PLPP1: variants seen among roughly 807,000 people sequenced by gnomAD.
The protein encoded by PLPP1 is lipid phosphate phosphohydrolase 1a.
A neutral mutation model predicts 31.2 loss-of-function variants in PLPP1; 24 were observed. That is an observed-to-expected ratio of 0.77 (90% CI 0.56 to 1.08). PLPP1 has a LOEUF of 1.08. Among genes scored for constraint, PLPP1 ranks in the 50% least tolerant of loss-of-function variants. The pLI, the probability that PLPP1 is intolerant of heterozygous loss-of-function variation, is 0.00. For missense variants in PLPP1, 319 were observed against 342.7 expected, an observed-to-expected ratio of 0.93 and a Z score of 0.55; for synonymous variants, 146 against 126.3, an observed-to-expected ratio of 1.16 and a Z score of -1.05.
At chr5:55,498,598 A>C (rs936170312) in intron 1 of PLPP1, among the ~76,000 whole-genome samples, 3 of 152,210 alleles carry the variant, frequency 2.0e-5, no homozygotes, top group Non-Finnish European at 4.4e-5. Flanking sequence ...CTTCTGAAAC[A>C]TATAAACAAT....
At chr5:55,515,156 T>C (rs1211656113) in intron 1 of PLPP1, among the ~76,000 whole-genome samples, 1 of 152,234 alleles carries the variant, frequency 6.6e-6, no homozygotes, top group African/African-American at 2.4e-5. Flanking sequence ...TCCGCTATAC[T>C]TGGTGATAGT....
At chr5:55,443,435 G>A (rs1354269268) in intron 3 of PLPP1, among the ~76,000 whole-genome samples, 4 of 151,824 alleles carry the variant, frequency 2.6e-5, no homozygotes, top group African/African-American at 4.8e-5. Context: ...GGATCAATAC[G>A]AATAGTAATT....
chr5:55,441,087 T>C (rs1302709220), intron 4 of PLPP1, among the ~76,000 whole-genome samples: 1 of 152,100 alleles, frequency 6.6e-6, no homozygotes, highest in East Asian at 1.9e-4. Context: ...GAGAACATTA[T>C]AAAAAAATAA....
At chr5:55,528,762 T>A (rs1740558628) in intron 1 of PLPP1, among the ~76,000 whole-genome samples, 1 of 152,228 alleles carries the variant, frequency 6.6e-6, no homozygotes, top group African/African-American at 2.4e-5. Flanking sequence ...ATGTATATAT[T>A]AGCAGCAAAC....
At chr5:55,518,195 C>G (rs535881007) in intron 1 of PLPP1, among the ~76,000 whole-genome samples, 69 of 152,246 alleles carry the variant, frequency 4.5e-4, no homozygotes, top group African/African-American at 1.5e-3. Flanking sequence ...TAGAGAAGCA[C>G]TCATCTAGAA....
chr5:55,524,450 G>A (rs372525545), intron 1 of PLPP1, among the ~76,000 whole-genome samples: 8 of 152,160 alleles, frequency 5.3e-5, no homozygotes, highest in Non-Finnish European at 7.4e-5. Context: ...CTGTTTAATC[G>A]CCAAGAGCAA....
chr5:55,478,151 G>A (rs1217405957), intron 1 of PLPP1, among the ~76,000 whole-genome samples: 3 of 151,912 alleles, frequency 2.0e-5, no homozygotes, highest in Admixed American at 6.6e-5. Flanking sequence ...AATATTAAGG[G>A]GTTTTGTTCC....
chr5:55,478,581 T>C (rs1451831608), intron 1 of PLPP1, among the ~76,000 whole-genome samples: 1 of 152,052 alleles, frequency 6.6e-6, no homozygotes, highest in Non-Finnish European at 1.5e-5. Flanking sequence ...TACAAAACAC[T>C]GTACAGGATG....
chr5:55,507,915 T>C (rs1753318822), intron 1 of PLPP1, among the ~76,000 whole-genome samples: 1 of 151,704 alleles, frequency 6.6e-6, no homozygotes, highest in Non-Finnish European at 1.5e-5. Flanking sequence ...GGGAGTGCAA[T>C]GGCACAATCT....
intron 1 of PLPP1, among the ~76,000 whole-genome samples, chr5:55,475,980 CTTTTTT>C (rs34891567): frequency 8.6e-5 from 12 of 139,088 alleles, no homozygotes; most frequent in African/African-American, 2.9e-4. Context: ...CTTAAAGTTT[CTTTTTT>C]TTTTTTTTTT....
At chr5:55,450,372 G>A (rs556364537) in intron 3 of PLPP1, among the ~76,000 whole-genome samples, 6 of 152,120 alleles carry the variant, frequency 3.9e-5, no homozygotes, top group Non-Finnish European at 8.8e-5. Context: ...ATGTGTGTAG[G>A]GTATTTAGAA....
Position 55,467,981 on chromosome 5 carries a change from G to T in PLPP1, c.379C>A (p.Arg127=). 6.2e-7 allele frequency: 1 copy of T among 1,614,122 alleles called. No individual in the cohort carries two copies. Among genetic ancestry groups the T allele is most frequent in the Non-Finnish European group, 8.5e-7 (1 of 1,180,012 alleles). The change falls in exon 3 of 6, where the codon CGG becomes AGG. Residue 127 remains arginine, a synonymous_variant. Coordinates refer to ENST00000307259, the MANE Select transcript of PLPP1 (RefSeq NM_003711.4). ...TCACAAACATCCAAGAAGTGAGGCC[G>T]CAGTCTGCCTATTGAATACTTGGCA... ...DIAKYSIGRL[R]PHFLDVCDPD...
At chr5:55,432,671 T>C (rs949664502) in intron 4 of PLPP1, among the ~76,000 whole-genome samples, 1 of 151,636 alleles carries the variant, frequency 6.6e-6, no homozygotes, top group African/African-American at 2.4e-5. Context: ...CAAAAAGATA[T>C]GCCACGATCA....
At position 55,462,157 on chromosome 5, in the gene PLPP1, TGCCC is replaced by T. The variant is rs1752179543; in HGVS notation, c.491+5708_491+5711del. ...TTTGAAGCAATCTCAATAAAATTTC[TGCCC>T]TTTCAAAGAAAACATAAAGAACTTA... On this transcript the variant is annotated intron_variant, in intron 3 of 5. Transcript: ENST00000307259. 5.3e-5 allele frequency among the ~76,000 whole-genome samples: 8 copies of T among 152,320 alleles called. No individual in the cohort carries two copies. The South Asian group carries it at 1.5e-3, about 28-fold the overall frequency.
intron 2 of PLPP1, among the ~76,000 whole-genome samples, chr5:55,469,025 G>C (rs1041948308): frequency 5.9e-5 from 9 of 152,150 alleles, no homozygotes; most frequent in Non-Finnish European, 1.2e-4. Context: ...GTCCCAAGGG[G>C]TGGGACAGGA....
intron 1 of PLPP1, among the ~76,000 whole-genome samples, chr5:55,479,016 C>A (rs1752616449): frequency 7.1e-6 from 1 of 141,506 alleles, no homozygotes; most frequent in Admixed American, 7.6e-5. Context: ...TCGTATAAGC[C>A]TATGAGATTT....
intron 3 of PLPP1, among the ~76,000 whole-genome samples, chr5:55,459,690 G>C (rs148660538): frequency 6.6e-6 from 1 of 152,144 alleles, no homozygotes; most frequent in African/African-American, 2.4e-5. Flanking sequence ...AGAGGAAGAC[G>C]CAAGGGAAAT....
intron 4 of PLPP1, among the ~76,000 whole-genome samples, chr5:55,428,524 A>G (rs542041902): frequency 8.3e-4 from 127 of 152,328 alleles, no homozygotes; most frequent in South Asian, 2.5e-3. Flanking sequence ...TAAGTTCAAC[A>G]AAGCTAAAAA....
chr5:55,451,050 TACA>T (rs1751881155), intron 3 of PLPP1, among the ~76,000 whole-genome samples: 1 of 152,184 alleles, frequency 6.6e-6, no homozygotes, highest in South Asian at 2.1e-4. Context: ...GAACATCTAC[TACA>T]ACCTGGCAGT....
Sources: gnomAD v4.1 joint callset for allele counts (sites outside exome capture counted in the v4.1 genomes callset) on GRCh38, gnomAD v4.1.1 for gene constraint, MANE v1.5 for transcripts, NCBI Gene and HGNC (gene_info 2026-07-23, HGNC 2026-07-21) for gene names.